Variants in NEK11 observed in about 807,000 individuals in gnomAD.
NEK11 encodes the protein NIMA related kinase 11.
A neutral mutation model predicts 80.7 loss-of-function variants in NEK11; 72 were observed. The ratio of observed to expected loss-of-function variants is 0.89; its 90% CI spans 0.74 to 1.08. The LOEUF (loss-of-function observed/expected upper bound fraction) is 1.08, where lower values mean the gene tolerates loss of function less well. Among genes scored for constraint, NEK11 ranks in the 50% least tolerant of loss-of-function variants. The pLI is 0.00. For missense variants in NEK11, 764 were observed against 763.6 expected (o/e 1.00, Z -0.01); for synonymous variants, 251 against 260.7 (o/e 0.96, Z 0.36).
chr3:131,120,170 C>A (rs775755819), intron 5 of NEK11, among the ~76,000 whole-genome samples: 1 of 152,120 alleles, frequency 6.6e-6, no homozygotes, highest in Non-Finnish European at 1.5e-5. Context: ...GTAAGGTAGA[C>A]CTGGTGGTGA....
chr3:131,322,894 C>T (rs1381581644), intron 17 of NEK11, among the ~76,000 whole-genome samples: 1 of 152,070 alleles, frequency 6.6e-6, no homozygotes, highest in Non-Finnish European at 1.5e-5. Flanking sequence ...TTAACAAACC[C>T]ATGTAGAGAG....
chr3:131,139,716 C>G (rs773597826), intron 7 of NEK11, among the ~76,000 whole-genome samples: 5 of 152,168 alleles, frequency 3.3e-5, no homozygotes, highest in East Asian at 1.9e-4. Flanking sequence ...ATTTCAAACA[C>G]GCAAATTTAT....
chr3:131,122,513 G>A (rs2082561811), intron 5 of NEK11, among the ~76,000 whole-genome samples: 1 of 152,234 alleles, frequency 6.6e-6, no homozygotes, highest in Non-Finnish European at 1.5e-5. Flanking sequence ...GTGCCTCAGT[G>A]CCCAGGACAG....
At chr3:131,120,115 A>G (rs889213726) in intron 5 of NEK11, among the ~76,000 whole-genome samples, 4 of 152,182 alleles carry the variant, frequency 2.6e-5, no homozygotes, top group Non-Finnish European at 5.9e-5. Flanking sequence ...AGTGGCTGGT[A>G]CTGGTTGTTC....
rs557493717 is a variant in NEK11, at chr3:131,269,623, G to A, written c.1622-3855G>A. Among the ~76,000 whole-genome samples, 16 of 152,254 alleles carry A rather than the reference G, an allele frequency of 1.1e-4. No individual in the cohort carries two copies. The East Asian group carries it at 2.3e-3, about 22-fold the overall frequency. ...TCAGTTGGAAATGGAGAAATCACCCGCCTTCTGTGTTGATCTCACTGGCAG... is the reference window on the plus strand; with the variant it reads ...TCAGTTGGAAATGGAGAAATCACCCACCTTCTGTGTTGATCTCACTGGCAG... On this transcript the variant is annotated intron_variant, in intron 16 of 17. Coordinates refer to ENST00000383366, the MANE Select transcript of NEK11 (RefSeq NM_024800.5).
At chr3:131,107,597 C>T (rs2079405765) in intron 4 of NEK11, among the ~76,000 whole-genome samples, 1 of 152,088 alleles carries the variant, frequency 6.6e-6, no homozygotes, top group Admixed American at 6.6e-5. Context: ...TCCTCGCATA[C>T]TCAAGTCCTG....
chr3:131,063,163 T>C (rs988029497), intron 3 of NEK11, among the ~76,000 whole-genome samples: 3 of 152,192 alleles, frequency 2.0e-5, no homozygotes, highest in African/African-American at 7.2e-5. Flanking sequence ...TAGCTGGGAC[T>C]ACAGCCACAT....
chr3:131,052,918 A>T (rs910764226), intron 3 of NEK11, among the ~76,000 whole-genome samples: 2 of 152,184 alleles, frequency 1.3e-5, no homozygotes, highest in Non-Finnish European at 2.9e-5. Context: ...AACTCTTCAG[A>T]TCCTTAAATT....
At chr3:131,175,618 A>C (rs2150110777) in intron 14 of NEK11, among the ~76,000 whole-genome samples, 1 of 152,276 alleles carries the variant, frequency 6.6e-6, no homozygotes, top group South Asian at 2.1e-4. Context: ...TGACTCTAAA[A>C]GGGCACATGG....
intron 4 of NEK11, among the ~76,000 whole-genome samples, chr3:131,102,452 T>C (rs1388995365): frequency 6.6e-6 from 1 of 152,228 alleles, no homozygotes; most frequent in East Asian, 1.9e-4. Context: ...TTTGATGAGA[T>C]ATGAAATTCT....
intron 14 of NEK11, among the ~76,000 whole-genome samples, chr3:131,192,160 C>T (rs1024606525): frequency 1.3e-5 from 2 of 152,072 alleles, no homozygotes; most frequent in Non-Finnish European, 2.9e-5. Flanking sequence ...AGAAGATATA[C>T]AGATGGCCAA....
chr3:131,039,664 T>C (rs981196634), intron 3 of NEK11, among the ~76,000 whole-genome samples: 10 of 152,228 alleles, frequency 6.6e-5, no homozygotes, highest in African/African-American at 2.4e-4. Flanking sequence ...ACTGAAAATT[T>C]TAGTTGTGAT....
At chr3:131,220,931 G>A (rs796522832) in intron 14 of NEK11, among the ~76,000 whole-genome samples, 58 of 152,188 alleles carry the variant, frequency 3.8e-4, no homozygotes, top group African/African-American at 1.4e-3. Context: ...TTTGCAGTTC[G>A]AAGGTATGAC....
chr3:131,125,186 G>A (rs2083101494), intron 5 of NEK11, among the ~76,000 whole-genome samples: 2 of 152,056 alleles, frequency 1.3e-5, no homozygotes, highest in South Asian at 4.1e-4. Flanking sequence ...TGATTTTATA[G>A]GCCCGGTTGA....
intron 17 of NEK11, among the ~76,000 whole-genome samples, chr3:131,343,931 T>A (rs754642390): frequency 6.6e-6 from 1 of 152,208 alleles, no homozygotes; most frequent in African/African-American, 2.4e-5. Context: ...TTCCTCATTG[T>A]CTGGATATTT....
At chr3:131,047,301 C>T (rs1281317919) in intron 3 of NEK11, among the ~76,000 whole-genome samples, 6 of 152,134 alleles carry the variant, frequency 3.9e-5, no homozygotes, top group Admixed American at 2.6e-4. Flanking sequence ...CTTCTTGGTT[C>T]GGATCTGTTG....
chr3:131,334,380 T>C (rs542557105), intron 17 of NEK11, among the ~76,000 whole-genome samples: 2,535 of 151,582 alleles, frequency 0.017, 54 homozygotes, highest in African/African-American at 0.057. Context: ...GGGTACATAA[T>C]GAAATGAAGG....
At chr3:131,203,471 C>G (rs1184215712) in intron 14 of NEK11, among the ~76,000 whole-genome samples, 2 of 150,344 alleles carry the variant, frequency 1.3e-5, no homozygotes, top group Admixed American at 6.6e-5. Flanking sequence ...GGAGATATAC[C>G]TAATGTTAAA....
chr3:131,331,991 C>T (rs1018165270), intron 17 of NEK11, among the ~76,000 whole-genome samples: 9 of 152,238 alleles, frequency 5.9e-5, no homozygotes, highest in Non-Finnish European at 1.3e-4. Flanking sequence ...CCCACCACAG[C>T]TCAAGGAGGC....
Sources: allele counts gnomAD v4.1 joint callset (sites outside exome capture counted in the v4.1 genomes callset), GRCh38; gene constraint gnomAD v4.1.1; transcripts MANE v1.5; gene names NCBI Gene and HGNC (gene_info 2026-07-23, HGNC 2026-07-21).